GABRA3: variants seen among roughly 807,000 people sequenced by gnomAD.
The protein encoded by GABRA3 is gamma-aminobutyric acid receptor subunit alpha-3.
A neutral mutation model predicts 30.1 loss-of-function variants in GABRA3; 10 were observed. That is an observed-to-expected ratio of 0.33 (90% CI 0.20 to 0.56). GABRA3 has a LOEUF of 0.56. GABRA3 is among the 20% of genes least tolerant of loss of function. The pLI, the probability that GABRA3 is intolerant of heterozygous loss-of-function variation, is 0.89. For synonymous variants in GABRA3, 151 were observed against 146.8 expected, an observed-to-expected ratio of 1.03 and a Z score of -0.21; for missense variants, 233 against 392.0, an observed-to-expected ratio of 0.59 and a Z score of 3.42.
intron 1 of GABRA3, among the ~76,000 whole-genome samples, chrX:152,385,844 T>C (rs1434290223): frequency 2.7e-5 from 3 of 111,515 alleles, no homozygotes; most frequent in Non-Finnish European, 3.8e-5. Context: ...ATTTATTAAA[T>C]AGGGAATCCT....
chrX:152,276,343 C>T (rs933862284), intron 4 of GABRA3, among the ~76,000 whole-genome samples: 1 of 111,354 alleles, frequency 9.0e-6, no homozygotes, highest in East Asian at 2.8e-4. Context: ...ATCACAGTGT[C>T]AAAAATAAAG....
intron 3 of GABRA3, among the ~76,000 whole-genome samples, chrX:152,325,888 G>T (rs960649642): frequency 1.8e-5 from 2 of 111,293 alleles, no homozygotes; most frequent in African/African-American, 6.5e-5. Flanking sequence ...CAGCAGATCA[G>T]TAATAACCAA....
chrX:152,416,175 C>G (rs1481729282), intron 1 of GABRA3, among the ~76,000 whole-genome samples: 3 of 97,538 alleles, frequency 3.1e-5, no homozygotes, highest in Non-Finnish European at 4.1e-5. Context: ...TCAGCAAAGT[C>G]TCAGGATACA....
Position 152,198,055 on chromosome X carries a change from TAATAA to T in GABRA3, c.779-275_779-271del, listed in dbSNP as rs1373850855. Among the ~76,000 whole-genome samples, 9 of 112,104 alleles carry T rather than the reference TAATAA, an allele frequency of 8.0e-5. No individual in the cohort carries two copies. The South Asian group carries it at 3.0e-3, about 37-fold the overall frequency. The stretch of plus-strand genomic sequence containing the variant: ...TAAATTAATGTTCTCATTTAAATAA[TAATAA>T]AATAAAAATCTCTTCTACAGCACTT... On this transcript the variant is annotated intron_variant, in intron 7 of 9. Coordinates refer to ENST00000370314, the MANE Select transcript of GABRA3 (RefSeq NM_000808.4).
chrX:152,267,606 G>T (rs1268507037), intron 4 of GABRA3, among the ~76,000 whole-genome samples: 1 of 110,994 alleles, frequency 9.0e-6, no homozygotes, highest in Non-Finnish European at 1.9e-5. Flanking sequence ...TTAAATGTTT[G>T]CTGGAATTAA....
At chrX:152,258,798 CACA>C (rs1429955927) in intron 4 of GABRA3, among the ~76,000 whole-genome samples, 1 of 111,657 alleles carries the variant, frequency 9.0e-6, no homozygotes, top group South Asian at 3.8e-4. Flanking sequence ...TTGTTGAGGG[CACA>C]ACAAGATGGC....
intron 3 of GABRA3, among the ~76,000 whole-genome samples, chrX:152,302,520 C>A (rs1481966034): frequency 1.8e-5 from 2 of 111,062 alleles, no homozygotes; most frequent in East Asian, 2.8e-4. Flanking sequence ...CAAATCTAAA[C>A]ACAAAATTCA....
At chrX:152,333,041 T>G (rs1476032619) in intron 3 of GABRA3, among the ~76,000 whole-genome samples, 1 of 111,977 alleles carries the variant, frequency 8.9e-6, no homozygotes, top group East Asian at 2.8e-4. Context: ...AACTGTGAGC[T>G]GAGAATTGGC....
chrX:152,289,197 C>T (rs1260344232), intron 3 of GABRA3, among the ~76,000 whole-genome samples: 1 of 109,310 alleles, frequency 9.1e-6, no homozygotes, highest in African/African-American at 3.3e-5. Context: ...GGTTTTACCT[C>T]AAATATATGT....
chrX:152,248,469 C>T (rs772265746), intron 5 of GABRA3, among the ~76,000 whole-genome samples: 66 of 110,673 alleles, frequency 6.0e-4, no homozygotes, highest in African/African-American at 2.0e-3. Flanking sequence ...GCACATGTAC[C>T]CTAAAACTTA....
chrX:152,240,038 T>C (rs1234543289), intron 5 of GABRA3, among the ~76,000 whole-genome samples: 1 of 96,036 alleles, frequency 1.0e-5, no homozygotes, highest in African/African-American at 4.3e-5. Flanking sequence ...CCTGTCATTA[T>C]GATGTTAGCT....
chrX:152,309,511 A>AG (rs1939769368), intron 3 of GABRA3, among the ~76,000 whole-genome samples: 2 of 78,595 alleles, frequency 2.5e-5, no homozygotes, highest in South Asian at 1.0e-3. Context: ...CATAAAAGAG[A>AG]AAAAAAAAAA....
At chrX:152,214,703 A>G (rs1159008133) in intron 6 of GABRA3, among the ~76,000 whole-genome samples, 1 of 111,259 alleles carries the variant, frequency 9.0e-6, no homozygotes, top group East Asian at 2.8e-4. Flanking sequence ...CTTCCAGTCC[A>G]TGAACACAAG....
intron 1 of GABRA3, among the ~76,000 whole-genome samples, chrX:152,364,909 C>T (rs779560335): frequency 1.6e-3 from 184 of 111,540 alleles, no homozygotes; most frequent in Non-Finnish European, 2.6e-3. Context: ...ACATCTCTTT[C>T]CTTGGCTTCA....
At chrX:152,315,854 G>A (rs999777337) in intron 3 of GABRA3, among the ~76,000 whole-genome samples, 3 of 107,490 alleles carry the variant, frequency 2.8e-5, no homozygotes, top group Non-Finnish European at 3.9e-5. Context: ...CACCACCCAA[G>A]GAGAGTCTGA....
chrX:152,394,666 T>C (rs1248531072), intron 1 of GABRA3, among the ~76,000 whole-genome samples: 1 of 112,731 alleles, frequency 8.9e-6, no homozygotes, highest in Non-Finnish European at 1.9e-5. Context: ...CACACAAGTG[T>C]GGTGTTTAAG....
chrX:152,393,677 T>C (rs1311256702), intron 1 of GABRA3: 2 of 223,145 alleles, frequency 9.0e-6, no homozygotes, highest in African/African-American at 3.1e-5. Flanking sequence ...TCATGGCACA[T>C]ACTCAGGCAA....
chrX:152,430,086 G>T (rs1295393626), intron 1 of GABRA3, among the ~76,000 whole-genome samples: 2 of 111,883 alleles, frequency 1.8e-5, no homozygotes, highest in African/African-American at 6.5e-5. Context: ...TGTCAAGCTA[G>T]TAATTTGAGT....
At chrX:152,205,653 A>T (rs1462189822) in intron 7 of GABRA3, among the ~76,000 whole-genome samples, 2 of 112,107 alleles carry the variant, frequency 1.8e-5, no homozygotes, top group African/African-American at 6.5e-5. Flanking sequence ...AAAACAAGTA[A>T]TAATAAATGT....
Sources: gnomAD v4.1 joint callset for allele counts (sites outside exome capture counted in the v4.1 genomes callset) on GRCh38, gnomAD v4.1.1 for gene constraint, MANE v1.5 for transcripts, NCBI Gene and HGNC (gene_info 2026-07-23, HGNC 2026-07-21) for gene names.